KDM7A: variants seen among roughly 807,000 people sequenced by gnomAD.
The protein encoded by KDM7A is lysine-specific demethylase 7A.
Under a neutral mutation model 114.8 loss-of-function variants are expected in KDM7A, and 28 were observed. The ratio of observed to expected loss-of-function variants is 0.24; its 90% CI spans 0.18 to 0.33. The LOEUF is 0.33. Ranked by LOEUF, KDM7A falls within the 10% of genes least tolerant of loss-of-function variation. The probability of loss-of-function intolerance (pLI) is 1.00; values close to 1 mark genes in which losing one functional copy is unlikely to be tolerated. For missense variants in KDM7A, 942 were observed against 1,142.5 expected (o/e 0.82, Z 2.53); for synonymous variants, 423 against 397.8 (o/e 1.06, Z -0.75).
chr7:140,125,111 CCA>C (rs936778616), intron 6 of KDM7A, among the ~76,000 whole-genome samples: 105 of 152,242 alleles, frequency 6.9e-4, no homozygotes, highest in African/African-American at 2.2e-3. Flanking sequence ...GTTGACAGGC[CCA>C]CAGTCATCTC....
At chr7:140,103,121 T>G (rs997300396) in intron 11 of KDM7A, among the ~76,000 whole-genome samples, 1 of 152,002 alleles carries the variant, frequency 6.6e-6, no homozygotes, top group Non-Finnish European at 1.5e-5. Context: ...ACACAATAAT[T>G]TCCCATTCTC....
chr7:140,100,410 C>T (rs1157170427), intron 12 of KDM7A, among the ~76,000 whole-genome samples: 2 of 151,910 alleles, frequency 1.3e-5, no homozygotes, highest in Non-Finnish European at 1.5e-5. Flanking sequence ...TTCACCCATC[C>T]TTCATCTAAT....
intron 1 of KDM7A, among the ~76,000 whole-genome samples, chr7:140,158,673 G>A (rs1277902420): frequency 1.3e-5 from 2 of 152,196 alleles, no homozygotes; most frequent in Non-Finnish European, 1.5e-5. Context: ...AAAAACTACT[G>A]AGTTACCATG....
At position 140,088,914 on chromosome 7, in the gene KDM7A, G is replaced by T. The variant is rs960546591; in HGVS notation, c.*2180C>A. ...TTTAATTTTAATTTTTGTGACTAAAGAAAAAAATAGAAAATACTCAAGAGC... is the reference window on the plus strand; with the variant it reads ...TTTAATTTTAATTTTTGTGACTAAATAAAAAAATAGAAAATACTCAAGAGC... On this transcript the variant is annotated 3_prime_UTR_variant, in exon 20 of 20. Coordinates refer to ENST00000397560, the MANE Select transcript of KDM7A (RefSeq NM_030647.2). The T allele has an allele frequency of 2.6e-5, 4 of 155,302 alleles. No individual in the cohort carries two copies. The highest frequency in any genetic ancestry group is 6.5e-5 in the Admixed American group (1 of 15,328). 9.6% of individuals were successfully genotyped at this position (155,302 alleles called of 1,614,324 possible).
chr7:140,127,598 T>C lies in KDM7A; in HGVS notation c.560-15A>G. The C allele has an allele frequency of 3.7e-6, 6 of 1,611,002 alleles. No homozygotes were observed. Among genetic ancestry groups the C allele is most frequent in the Middle Eastern group, 1.7e-4 (1 of 6,058 alleles). On this transcript the variant is annotated splice_polypyrimidine_tract_variant and intron_variant, in intron 4 of 19. Transcript: ENST00000397560. The stretch of plus-strand genomic sequence containing the variant: ...TTTGTCACCACCTGCAGAGAAAAAT[T>C]ACAGTCTTATTATTGGACTTAAGAG...
At chr7:140,097,395 G>A in intron 15 of KDM7A, 150 bp downstream of exon 15, 2 of 590,546 alleles carry the variant, frequency 3.4e-6, no homozygotes. Context: ...TGGCATGTGT[G>A]TACACTGACC....
intron 13 of KDM7A, 33 bp downstream of exon 13, chr7:140,099,866 A>T: frequency 6.3e-7 from 1 of 1,588,644 alleles, no homozygotes; most frequent in Non-Finnish European, 8.6e-7. Flanking sequence ...AATGAAAATT[A>T]ATCTATTTGA....
intron 7 of KDM7A, among the ~76,000 whole-genome samples, chr7:140,124,366 A>G (rs1252676365): frequency 6.6e-6 from 1 of 152,216 alleles, no homozygotes; most frequent in Non-Finnish European, 1.5e-5. Flanking sequence ...AAAAGGGTGA[A>G]TATTGTGGTA....
chr7:140,145,027 G>A (rs1028771819), intron 1 of KDM7A, among the ~76,000 whole-genome samples: 2 of 152,152 alleles, frequency 1.3e-5, no homozygotes, highest in Non-Finnish European at 2.9e-5. Flanking sequence ...ATAGAACCAT[G>A]AGTCAATTAA....
chr7:140,108,175 T>C (rs768267334), intron 11 of KDM7A, among the ~76,000 whole-genome samples: 1 of 152,160 alleles, frequency 6.6e-6, no homozygotes, highest in Non-Finnish European at 1.5e-5. Flanking sequence ...CCATTTGTCA[T>C]ATCTTTTTTT....
At chr7:140,100,679 T>A (rs71550699) in intron 12 of KDM7A, among the ~76,000 whole-genome samples, 1 of 63,996 alleles carries the variant, frequency 1.6e-5, no homozygotes, top group Non-Finnish European at 2.9e-5. Context: ...TATATATATA[T>A]ACATATATAC....
At chr7:140,098,062 C>T (rs935434122) in intron 14 of KDM7A, among the ~76,000 whole-genome samples, 2 of 152,176 alleles carry the variant, frequency 1.3e-5, no homozygotes, top group African/African-American at 2.4e-5. Flanking sequence ...GAATTCAACA[C>T]GCTTATAAAC....
At chr7:140,094,025 C>G in intron 18 of KDM7A, 31 bp downstream of exon 18, 2 of 1,248,852 alleles carry the variant, frequency 1.6e-6, no homozygotes, top group Non-Finnish European at 2.4e-6. Context: ...CATTTTAAAT[C>G]TCCTTTTAAC....
chr7:140,112,784 A>G (rs548453306), intron 10 of KDM7A, among the ~76,000 whole-genome samples: 1 of 152,376 alleles, frequency 6.6e-6, no homozygotes, highest in South Asian at 2.1e-4. Flanking sequence ...ATATTACTTT[A>G]TAAACATTTG....
chr7:140,105,519 G>A (rs1818320883), intron 11 of KDM7A, among the ~76,000 whole-genome samples: 1 of 152,156 alleles, frequency 6.6e-6, no homozygotes, highest in African/African-American at 2.4e-5. Context: ...TTTCATCAAA[G>A]GCCTTTTCTG....
intron 1 of KDM7A, among the ~76,000 whole-genome samples, chr7:140,141,028 A>G (rs921693871): frequency 1.3e-5 from 2 of 152,190 alleles, no homozygotes; most frequent in African/African-American, 4.8e-5. Context: ...AAAGCTAAAA[A>G]GTGAAATACC....
chr7:140,156,324 G>A (rs369219941), intron 1 of KDM7A, among the ~76,000 whole-genome samples: 1 of 152,156 alleles, frequency 6.6e-6, no homozygotes, highest in Non-Finnish European at 1.5e-5. Flanking sequence ...TTACACAGGC[G>A]TTAATACACA....
chr7:140,175,448 T>C (rs1794692491), intron 1 of KDM7A, among the ~76,000 whole-genome samples: 1 of 152,146 alleles, frequency 6.6e-6, no homozygotes, highest in East Asian at 1.9e-4. Flanking sequence ...CCATATCTGC[T>C]ATTACTCGTG....
At chr7:140,096,796 C>T (rs777169615) in intron 16 of KDM7A, 33 bp from the exon 17 acceptor site, 1 of 1,596,586 alleles carries the variant, frequency 6.3e-7, no homozygotes, top group Non-Finnish European at 8.6e-7. Flanking sequence ...ACACAAGAGT[C>T]TATTTTTTCT....
Sources: gnomAD v4.1 joint callset for allele counts (sites outside exome capture counted in the v4.1 genomes callset) on GRCh38, gnomAD v4.1.1 for gene constraint, MANE v1.5 for transcripts, NCBI Gene and HGNC (gene_info 2026-07-23, HGNC 2026-07-21) for gene names.